Variants in SREBF1 observed in about 807,000 individuals in gnomAD.
The protein encoded by SREBF1 is sterol regulatory element-binding protein 1.
SREBF1 carries 45 observed loss-of-function variants against 100.1 expected under a neutral mutation model. That is an observed-to-expected ratio of 0.45 (90% CI 0.35 to 0.58). The LOEUF (loss-of-function observed/expected upper bound fraction) is 0.58. Ranked by LOEUF, SREBF1 falls within the 20% of genes least tolerant of loss-of-function variation. The probability of loss-of-function intolerance (pLI) is 0.00; values close to 1 mark genes in which losing one functional copy is unlikely to be tolerated. For synonymous variants in SREBF1, 657 were observed against 681.8 expected (o/e 0.96, Z 0.57); for missense variants, 1,324 against 1,539.4 (o/e 0.86, Z 2.34).
chr17:17,813,988 T>G lies in SREBF1; in HGVS notation c.2902-219A>C, dbSNP rs982824541. ...GGGAGCAGCTGTCCAGCCCTCCTGA[T>G]GCAGGGCCTCCAAAGGGATCCTACC... On this transcript the variant is annotated intron_variant, in intron 16 of 18. Transcript: ENST00000261646. The G allele has an allele frequency of 1.1e-5, 7 of 664,564 alleles. No individual in the cohort carries two copies. In the African/African-American group the frequency reaches 1.3e-4, roughly 12 times the overall value. 41.2% of individuals were successfully genotyped at this position (664,564 alleles called of 1,614,324 possible).
chr17:17,832,493 C>G (rs1285033239), intron 1 of SREBF1, among the ~76,000 whole-genome samples: 1 of 152,174 alleles, frequency 6.6e-6, no homozygotes, highest in Non-Finnish European at 1.5e-5. Flanking sequence ...TTTCCACCCC[C>G]AAATCTTCAG....
At chr17:17,816,740 G>A (rs752338341) in intron 9 of SREBF1, 22 bp from the exon 10 acceptor site, 3 of 1,569,172 alleles carry the variant, frequency 1.9e-6, no homozygotes, top group African/African-American at 1.3e-5. Context: ...GGTTTTCCAG[G>A]TGAGAAAAGT....
Position 17,816,626 on chromosome 17 carries a change from G to A in SREBF1, c.1878C>T (p.Ser626=). 3.7e-6 allele frequency: 6 copies of A among 1,603,440 alleles called. No homozygotes were observed. Among genetic ancestry groups the A allele is most frequent in the Non-Finnish European group, 5.1e-6 (6 of 1,175,958 alleles). The part of the protein sequence containing the change: ...LPTSHLDLAC[S]LLWNLIRHLL... ...GGTGACGGATGAGGTTCCAGAGGAG[G>A]CTACAAGCCAGGTCCAGGTGGGAGG... The change falls in exon 10 of 19, where the codon AGC becomes AGT. Residue 626 remains serine, a synonymous_variant. Transcript: ENST00000261646.
At chr17:17,826,810 C>T (rs1175040978) in intron 1 of SREBF1, among the ~76,000 whole-genome samples, 1 of 152,238 alleles carries the variant, frequency 6.6e-6, no homozygotes, top group Non-Finnish European at 1.5e-5. Flanking sequence ...TGAGGGAAAT[C>T]CTGGGCAGGC....
chr17:17,819,470 G>C lies in SREBF1; in HGVS notation c.712-16C>G. On this transcript the variant is annotated splice_polypyrimidine_tract_variant and intron_variant, in intron 3 of 18. Coordinates refer to ENST00000261646, the MANE Select transcript of SREBF1 (RefSeq NM_004176.5). ...GCAGCAGGACCTGAGGGTGGGAGAG[G>C]CTTGGCTGTAAGCTGTGTGTCTGGG... 2 of 1,613,504 alleles carry C rather than the reference G, an allele frequency of 1.2e-6. No individual in the cohort carries two copies. Among genetic ancestry groups the C allele is most frequent in the South Asian group, 1.1e-5 (1 of 91,090 alleles).
Position 17,836,915 on chromosome 17 carries a change from C to G in SREBF1, c.-98G>C. On this transcript the variant is annotated 5_prime_UTR_variant, in exon 1 of 19. Transcript: ENST00000261646. ...CGGCCCCGGCTCTCAGTCGCCGCCG[C>G]CGCTCCGCGCGTTCGTGTCCTGCCC... The G allele has an allele frequency of 8.6e-7, 1 of 1,166,282 alleles. No individual in the cohort carries two copies. Among genetic ancestry groups the G allele is most frequent in the Admixed American group, 3.5e-5 (1 of 28,174 alleles). The allele number at this position is 1,166,282 out of a possible 1,614,324, so 72.2% of individuals were successfully genotyped here.
In SREBF1 at chr17:17,816,499, C is replaced by T. The variant is rs946562068; in HGVS notation, c.2005G>A (p.Ala669Thr). 6 of 1,603,926 alleles carry T rather than the reference C, an allele frequency of 3.7e-6. No individual in the cohort carries two copies. In the Admixed American group the frequency reaches 5.1e-5, roughly 14 times the overall value. The change falls in exon 10 of 19, where the codon GCA becomes ACA. Residue 669 changes from alanine to threonine, a missense_variant. By Grantham distance (58) the Ala-to-Thr change is moderately conservative. Coordinates refer to ENST00000261646, the MANE Select transcript of SREBF1 (RefSeq NM_004176.5). ...TGCAGCTTATGGTAGACCAGGGCTG[C>T]GTCTCGGGCGCTGGCGCTAGCATCC... The part of the protein sequence containing the change: ...RVDASASARD[A>T]ALVYHKLHQL...
At position 17,812,443 on chromosome 17, in the gene SREBF1, A is replaced by G; in HGVS notation, c.*179T>C. The stretch of plus-strand genomic sequence containing the variant: ...CAGCACCATCATGGCCGCCGGTCTT[A>G]GGGTCAAGATCGCGCCCCTCGGGCC... On this transcript the variant is annotated 3_prime_UTR_variant, in exon 19 of 19. Coordinates refer to ENST00000261646, the MANE Select transcript of SREBF1 (RefSeq NM_004176.5). The G allele has an allele frequency of 1.5e-6, 1 of 678,584 alleles. No individual in the cohort carries two copies. Among genetic ancestry groups the G allele is most frequent in the Non-Finnish European group, 2.5e-6 (1 of 405,442 alleles). The allele number at this position is 678,584 out of a possible 1,614,324, so 42.0% of individuals were successfully genotyped here.
At chr17:17,832,947 AC>A (rs2034962829) in intron 1 of SREBF1, among the ~76,000 whole-genome samples, 1 of 151,500 alleles carries the variant, frequency 6.6e-6, no homozygotes, top group Non-Finnish European at 1.5e-5. Flanking sequence ...AAAAAAAAAA[AC>A]AAAGAAAAAA....
Position 17,816,196 on chromosome 17 carries a change from A to ACCCCCCCC in SREBF1, c.2214+10_2214+11insGGGGGGGG, listed in dbSNP as rs746889221. ...TGCAGGGATAAGCCCCCAGCCCCCC[A>ACCCCCCCC]ACCCACTCACTGTCAGAAAATGCAA... On this transcript the variant is annotated intron_variant, in intron 11 of 18. Transcript: ENST00000261646. 4 of 1,077,038 alleles carry ACCCCCCCC rather than the reference A, an allele frequency of 3.7e-6. No homozygotes were observed. The highest frequency in any genetic ancestry group is 4.8e-6 in the Non-Finnish European group (4 of 839,674). 66.7% of individuals were successfully genotyped at this position (1,077,038 alleles called of 1,614,324 possible).
In SREBF1 at chr17:17,815,510, C is replaced by T. The variant is rs371767440; in HGVS notation, c.2384-181G>A. 3.0e-4 allele frequency: 182 copies of T among 607,396 alleles called. 2 individuals carry two copies. The East Asian group carries it at 3.4e-3, about 11-fold the overall frequency. 37.6% of individuals were successfully genotyped at this position (607,396 alleles called of 1,614,324 possible). A position where few individuals can be genotyped will look rare whatever the true frequency, so the allele number is the denominator to read the frequency against. On this transcript the variant is annotated intron_variant, in intron 12 of 18. Coordinates refer to ENST00000261646, the MANE Select transcript of SREBF1 (RefSeq NM_004176.5). ...CGGGTGGACATAACTATCACCAGCA[C>T]CAGCCTTGGCCAGGAGACAACACTG...
At chr17:17,823,371 G>A in intron 1 of SREBF1, 7 of 730,378 alleles carry the variant, frequency 9.6e-6, no homozygotes, top group Non-Finnish European at 1.5e-5. Context: ...CACTTCCCCA[G>A]CGAGCTGGTA....
chr17:17,813,688 G>C lies in SREBF1; in HGVS notation c.2983C>G (p.Pro995Ala), dbSNP rs1384436321. The change falls in exon 17 of 19, where the codon CCA (proline) becomes GCA (alanine). Residue 995 changes from proline to alanine, a missense_variant. Physicochemically the swap from Pro to Ala is conservative, Grantham distance 27 (BLOSUM62 -1). Transcript: ENST00000261646. ...WRQQQPPAPA[P>A]AAQGTSSRPQ... is the part of the protein sequence containing the mutation. ...CTGCTGCTGGTGCCCTGGGCTGCTGGGGCCGGGGCCGGGGGCTGCTGCTGC... is the reference window on the plus strand; with the variant it reads ...CTGCTGCTGGTGCCCTGGGCTGCTGCGGCCGGGGCCGGGGGCTGCTGCTGC... The C allele has an allele frequency of 5.2e-6, 8 of 1,540,014 alleles. No homozygotes were observed. Among genetic ancestry groups the C allele is most frequent in the Non-Finnish European group, 7.0e-6 (8 of 1,149,238 alleles).
rs73297851 is a variant in SREBF1 at position 17,824,461 on chromosome 17, G to A, written c.92-3940C>T. ...GTCCCGACCCACTATTCATTGTAGG[G>A]CCCTGGGAAGCCAGGAAGGGCTGCA... On this transcript the variant is annotated intron_variant, in intron 1 of 18. Coordinates refer to ENST00000261646, the MANE Select transcript of SREBF1 (RefSeq NM_004176.5). The surrounding 1 kb of genome is among the most constrained non-coding windows in gnomAD (Gnocchi z 4.2). Among the ~76,000 whole-genome samples the A allele has an allele frequency of 7.6e-4, 116 of 152,338 alleles. No homozygotes were observed. Among genetic ancestry groups the A allele is most frequent in the African/African-American group, 2.6e-3 (108 of 41,568 alleles).
rs1468459405 is a variant in SREBF1 at position 17,812,030 on chromosome 17, A to ACT, written c.*590_*591dup. On this transcript the variant is annotated 3_prime_UTR_variant, in exon 19 of 19. Coordinates refer to ENST00000261646, the MANE Select transcript of SREBF1 (RefSeq NM_004176.5). ...CTAGGTGCTGGGGGAGGGCCCAAGC[A>ACT]CTCTCACTAGTCAGCACATCCATCA... 4 of 437,508 alleles carry ACT rather than the reference A, an allele frequency of 9.1e-6. No individual in the cohort carries two copies. Among genetic ancestry groups the ACT allele is most frequent in the Non-Finnish European group, 1.8e-5 (4 of 221,828 alleles). 27.1% of individuals were successfully genotyped at this position (437,508 alleles called of 1,614,324 possible).
intron 11 of SREBF1, 28 bp from the exon 12 acceptor site, chr17:17,816,056 A>G: frequency 6.2e-7 from 1 of 1,607,646 alleles, no homozygotes; most frequent in East Asian, 2.2e-5. Flanking sequence ...GGGCTGTCAC[A>G]GTGGACACAG....
chr17:17,819,180 C>G lies in SREBF1; in HGVS notation c.901G>C (p.Glu301Gln). ...LATVPLVVDA[E>Q]KLPINRLAAG... ...GCGAGCCGGTTGATAGGCAGCTTCTCCGCATCTACGACCAGTGGGACTGTT... is the reference window on the plus strand; with the variant it reads ...GCGAGCCGGTTGATAGGCAGCTTCTGCGCATCTACGACCAGTGGGACTGTT... Residue 301 changes from glutamate to glutamine, a missense_variant, in exon 5 of 19, where the codon GAG becomes CAG. Transcript: ENST00000261646. 1.9e-6 allele frequency: 3 copies of G among 1,614,200 alleles called. No individual in the cohort carries two copies. Among genetic ancestry groups the G allele is most frequent in the Non-Finnish European group, 2.5e-6 (3 of 1,180,060 alleles).
chr17:17,817,672 G>A lies in SREBF1; in HGVS notation c.1404+24C>T. The stretch of plus-strand genomic sequence containing the variant: ...AGAGGATATGGCTGGGAGTGGGGAA[G>A]GGGGCACCGTGGCAGGGCCCAACCT... On this transcript the variant is annotated intron_variant, in intron 7 of 18. Coordinates refer to ENST00000261646, the MANE Select transcript of SREBF1 (RefSeq NM_004176.5). The surrounding 1 kb of genome is among the most constrained non-coding windows in gnomAD (Gnocchi z 6.6). 1 of 1,611,790 alleles carries A rather than the reference G, an allele frequency of 6.2e-7. No individual in the cohort carries two copies. The highest frequency in any genetic ancestry group is 2.2e-5 in the East Asian group (1 of 44,868).
Position 17,814,643 on chromosome 17 carries a change from G to T in SREBF1, c.2707C>A (p.His903Asn). 1.3e-6 allele frequency: 2 copies of T among 1,551,566 alleles called. No homozygotes were observed. The highest frequency in any genetic ancestry group is 8.7e-7 in the Non-Finnish European group (1 of 1,153,082). ...GACTCCTGCAGCACCCGGGGCAGGT[G>T]CTCCACCAGCGGGCACAGCCGCTCA... Reference protein sequence around the residue: ...AAERLCPLVEHLPRVLQESER... With the variant: ...AAERLCPLVENLPRVLQESER... The change falls in exon 15 of 19, where the codon CAC becomes AAC. Residue 903 changes from histidine to asparagine, a missense_variant. By Grantham distance (68) the His-to-Asn change is moderately conservative. Transcript: ENST00000261646.
Sources: allele counts gnomAD v4.1 joint callset (sites outside exome capture counted in the v4.1 genomes callset), GRCh38; gene constraint gnomAD v4.1.1; non-coding constraint Gnocchi (gnomAD v3.1); transcripts MANE v1.5; gene names NCBI Gene and HGNC (gene_info 2026-07-23, HGNC 2026-07-21).